The following FUBP3 variants were observed in gnomAD, a reference collection of about 807,000 sequenced individuals.
FUBP3 encodes the protein far upstream element-binding protein 3.
FUBP3 carries 28 observed loss-of-function variants against 85.6 expected under a neutral mutation model. The ratio of observed to expected loss-of-function variants is 0.33; its 90% CI spans 0.24 to 0.45. The LOEUF is 0.45. Ranked by LOEUF, FUBP3 falls within the 20% of genes least tolerant of loss-of-function variation. The pLI is 1.00. For missense variants in FUBP3, 583 were observed against 755.1 expected, an observed-to-expected ratio of 0.77 and a Z score of 2.67; for synonymous variants, 271 against 271.4, an observed-to-expected ratio of 1.00 and a Z score of 0.01.
At chr9:130,636,201 G>A (rs1038737318) in intron 18 of FUBP3, 75 bp downstream of exon 18, 2 of 1,473,670 alleles carry the variant, frequency 1.4e-6, no homozygotes, top group South Asian at 2.3e-5. Context: ...TGTGTTTCCT[G>A]ACCCCAGGAT....
intron 1 of FUBP3, among the ~76,000 whole-genome samples, chr9:130,587,545 C>T (rs950876605): frequency 3.9e-5 from 6 of 152,170 alleles, no homozygotes; most frequent in African/African-American, 9.7e-5. Flanking sequence ...CTCTCCATAC[C>T]CACTTTAAAT....
intron 2 of FUBP3, among the ~76,000 whole-genome samples, chr9:130,605,656 C>T (rs1248755326): frequency 1.3e-5 from 2 of 152,176 alleles, no homozygotes; most frequent in African/African-American, 4.8e-5. Flanking sequence ...GTGGTCTTTC[C>T]ACTCACAGAA....
intron 5 of FUBP3, 61 bp downstream of exon 5, chr9:130,613,088 C>T: frequency 9.5e-7 from 1 of 1,053,484 alleles, no homozygotes; most frequent in Admixed American, 1.8e-5. Flanking sequence ...CAAAACTTTC[C>T]AGATTCGGTA....
intron 2 of FUBP3, among the ~76,000 whole-genome samples, chr9:130,599,211 G>A (rs1193496901): frequency 6.6e-6 from 1 of 152,034 alleles, no homozygotes. Context: ...AGAATCACTT[G>A]AACCTGGGAG....
Position 130,612,652 on chromosome 9 carries a change from C to T in FUBP3, c.274+147C>T. The T allele has an allele frequency of 1.4e-6, 1 of 689,842 alleles. No individual in the cohort carries two copies. The allele number at this position is 689,842 out of a possible 1,614,324, so 42.7% of individuals were successfully genotyped here. A position where few individuals can be genotyped will look rare whatever the true frequency, so the allele number is the denominator to read the frequency against. ...AGTAGAATGCTTTGCACATGCCATT[C>T]CCCACAGCTCTGAAATGCTGCAGGT... On this transcript the variant is annotated intron_variant, in intron 4 of 18. Transcript: ENST00000319725. The surrounding 1 kb of genome is among the most constrained non-coding windows in gnomAD (Gnocchi z 4.1).
In FUBP3 at chr9:130,601,801, ATT is replaced by A. The variant is rs113638192; in HGVS notation, c.190+6230_190+6231del. 1.3e-4 allele frequency among the ~76,000 whole-genome samples: 15 copies of A among 117,356 alleles called. 1 individual carries two copies. The East Asian group carries it at 1.4e-3, about 11-fold the overall frequency. The allele number at this position is 117,356 out of a possible 152,430, so 77.0% of individuals were successfully genotyped here. A position where few individuals can be genotyped will look rare whatever the true frequency, so the allele number is the denominator to read the frequency against. On this transcript the variant is annotated intron_variant, in intron 2 of 18. Coordinates refer to ENST00000319725, the MANE Select transcript of FUBP3 (RefSeq NM_003934.2). ...ATGGAAATTTTAGAAATAATTCCTAATTTTTTTTTTTTTTTTTTGAGATGGAG... is the reference window on the plus strand; with the variant it reads ...ATGGAAATTTTAGAAATAATTCCTAATTTTTTTTTTTTTTTTGAGATGGAG...
At chr9:130,622,884 C>T in intron 10 of FUBP3, 74 bp downstream of exon 10, 1 of 686,154 alleles carries the variant, frequency 1.5e-6, no homozygotes, top group Admixed American at 2.8e-5. Context: ...GATGATAAAA[C>T]ACCTTACAAA....
Position 130,620,423 on chromosome 9 carries a change from G to A in FUBP3, c.736G>A (p.Asp246Asn), listed in dbSNP as rs1169915421. Residue 246 changes from aspartate (D) to asparagine (N), a missense_variant, in exon 9 of 19, where the codon GAT becomes AAT. Physicochemically the swap from Asp to Asn is conservative, Grantham distance 23. Around this residue, in one of 3 missense-constraint regions of FUBP3, gnomAD observed 404 missense variants for 516.8 expected, o/e 0.78. Transcript: ENST00000319725. ...AGCTGACTTTCGGGGTGTACGCGGC[G>A]ATTTCAACTCTCGAATGGGAGGAGG... The part of the protein sequence containing the change: ...DQADFRGVRG[D>N]FNSRMGGGSI... 1.9e-6 allele frequency: 3 copies of A among 1,601,842 alleles called. No homozygotes were observed. The highest frequency in any genetic ancestry group is 1.1e-5 in the South Asian group (1 of 89,376).
At chr9:130,629,517 G>A (rs530357750) in intron 12 of FUBP3, among the ~76,000 whole-genome samples, 4 of 152,310 alleles carry the variant, frequency 2.6e-5, no homozygotes, top group Admixed American at 6.5e-5. Flanking sequence ...CTTGCAAGAC[G>A]CCCTTGTGTC....
At chr9:130,592,124 C>G (rs1386430992) in intron 1 of FUBP3, among the ~76,000 whole-genome samples, 2 of 152,142 alleles carry the variant, frequency 1.3e-5, no homozygotes, top group South Asian at 2.1e-4. Flanking sequence ...CCCAGCTACT[C>G]AAGAGGCTGA....
chr9:130,626,083 G>C (rs978083326), intron 11 of FUBP3, among the ~76,000 whole-genome samples: 2 of 152,148 alleles, frequency 1.3e-5, no homozygotes, highest in African/African-American at 4.8e-5. Context: ...AAGGCCGCTG[G>C]GCTTCAGCCT....
intron 1 of FUBP3, among the ~76,000 whole-genome samples, chr9:130,589,681 A>G (rs1210302287): frequency 0.025 from 572 of 23,290 alleles, 4 homozygotes; most frequent in East Asian, 0.028. Context: ...GTGTGTATAT[A>G]TATATATATA....
In FUBP3 at chr9:130,635,483, G is replaced by A. The variant is rs552934827; in HGVS notation, c.1583-516G>A. Among the ~76,000 whole-genome samples, 180 of 152,270 alleles carry A rather than the reference G, an allele frequency of 1.2e-3. No individual in the cohort carries two copies. The highest frequency in any genetic ancestry group is 4.1e-3 in the African/African-American group (171 of 41,548). Reference sequence around the variant, plus strand: ...TGGTCCCCCTGGTGTTGGCATCATCGCCAGGTTCATGGCCCTTCTAGGGGT... The same window carrying A: ...TGGTCCCCCTGGTGTTGGCATCATCACCAGGTTCATGGCCCTTCTAGGGGT... On this transcript the variant is annotated intron_variant, in intron 17 of 18. Transcript: ENST00000319725. The surrounding 1 kb of genome is among the most constrained non-coding windows in gnomAD (Gnocchi z 4.3).
chr9:130,630,846 C>A, intron 13 of FUBP3, 58 bp downstream of exon 13: 3 of 1,275,856 alleles, frequency 2.4e-6, no homozygotes, highest in Non-Finnish European at 3.1e-6. Context: ...TTGTGGATGT[C>A]CAAGGTACCA....
chr9:130,600,074 GTCT>G (rs1004422640), intron 2 of FUBP3, among the ~76,000 whole-genome samples: 1 of 149,388 alleles, frequency 6.7e-6, no homozygotes, highest in Admixed American at 6.6e-5. Context: ...TAGCCTCTTG[GTCT>G]TCTCTCTACC....
intron 16 of FUBP3, among the ~76,000 whole-genome samples, chr9:130,634,149 A>G (rs768425023): frequency 1.3e-5 from 2 of 152,046 alleles, no homozygotes; most frequent in Non-Finnish European, 2.9e-5. Context: ...CACAGAAGAG[A>G]AGGGCTGGAC....
intron 14 of FUBP3, 87 bp downstream of exon 14, chr9:130,631,717 C>A: frequency 9.0e-7 from 1 of 1,111,554 alleles, no homozygotes; most frequent in Non-Finnish European, 1.4e-6. Flanking sequence ...TAGCGAGTGC[C>A]AGCCAAGGCC....
intron 17 of FUBP3, 133 bp downstream of exon 17, chr9:130,634,871 C>T (rs1236972612): frequency 1.1e-5 from 8 of 701,462 alleles, no homozygotes; most frequent in African/African-American, 7.0e-5. Flanking sequence ...TATTTGCCTT[C>T]GTCCTCCACC....
At chr9:130,628,070 A>T (rs1296076716) in intron 12 of FUBP3, among the ~76,000 whole-genome samples, 1 of 150,744 alleles carries the variant, frequency 6.6e-6, no homozygotes, top group Non-Finnish European at 1.5e-5. Flanking sequence ...TCACACACAC[A>T]CCGCACTAAA....
Sources: allele counts gnomAD v4.1 joint callset (sites outside exome capture counted in the v4.1 genomes callset), GRCh38; gene constraint gnomAD v4.1.1; regional missense constraint gnomAD v4.1.1; non-coding constraint Gnocchi (gnomAD v3.1); transcripts MANE v1.5; gene names NCBI Gene and HGNC (gene_info 2026-07-23, HGNC 2026-07-21).